The following VWA2 variants were observed in gnomAD, a reference collection of about 807,000 sequenced individuals.
VWA2 encodes the protein von Willebrand factor A domain-containing protein 2.
VWA2 carries 73 observed loss-of-function variants against 70.4 expected under a neutral mutation model. The ratio of observed to expected loss-of-function variants is 1.04; its 90% CI spans 0.86 to 1.26. The LOEUF is 1.26. VWA2 is among the 50% of genes most tolerant of loss of function. The pLI is 0.00. For missense variants in VWA2, 1,011 were observed against 998.5 expected (o/e 1.01, Z -0.17); for synonymous variants, 407 against 423.3 (o/e 0.96, Z 0.47).
At chr10:114,260,002 TCG>T (rs1402563902) in intron 4 of VWA2, among the ~76,000 whole-genome samples, 1 of 152,178 alleles carries the variant, frequency 6.6e-6, no homozygotes, top group African/African-American at 2.4e-5. Flanking sequence ...CCCACGCCTG[TCG>T]AGGGAACGGC....
intron 5 of VWA2, among the ~76,000 whole-genome samples, chr10:114,266,734 C>G (rs1318343987): frequency 2.0e-5 from 3 of 152,146 alleles, no homozygotes; most frequent in African/African-American, 4.8e-5. Flanking sequence ...CTCATAGTAA[C>G]ACAACCCTGT....
chr10:114,285,563 C>T (rs1416042651), intron 10 of VWA2, among the ~76,000 whole-genome samples: 1 of 152,184 alleles, frequency 6.6e-6, no homozygotes, highest in Non-Finnish European at 1.5e-5. Flanking sequence ...TCAATTCTAG[C>T]GTGGCTATAG....
intron 8 of VWA2, among the ~76,000 whole-genome samples, chr10:114,280,260 G>A (rs945468405): frequency 3.3e-5 from 5 of 152,144 alleles, no homozygotes; most frequent in Non-Finnish European, 5.9e-5. Flanking sequence ...CTGTGCTCCT[G>A]GCACTCACCC....
chr10:114,290,450 G>C, intron 13 of VWA2, 85 bp downstream of exon 13: 3 of 1,515,180 alleles, frequency 2.0e-6, no homozygotes, highest in Non-Finnish European at 2.7e-6. Context: ...CTGAAGGCAG[G>C]TTCTAAAACA....
intron 9 of VWA2, among the ~76,000 whole-genome samples, chr10:114,283,240 G>GGCAGTTAGACACACAGGCAGGGCAGCGA (rs1564735622): frequency 6.6e-6 from 1 of 152,016 alleles, no homozygotes; most frequent in African/African-American, 2.4e-5. Context: ...AAGCAATGCC[G>GGCAGTTAGACACACAGGCAGGGCAGCGA]GCAGTTAGAC....
At chr10:114,248,675 A>T (rs898610123) in intron 1 of VWA2, 29 bp from the exon 2 acceptor site, 6 of 1,594,582 alleles carry the variant, frequency 3.8e-6, no homozygotes, top group South Asian at 2.2e-5. Flanking sequence ...AATTGCTGAT[A>T]CTTTCTTTCT....
intron 4 of VWA2, among the ~76,000 whole-genome samples, chr10:114,256,778 C>T (rs2037337577): frequency 1.3e-5 from 2 of 151,782 alleles, no homozygotes; most frequent in African/African-American, 2.4e-5. Flanking sequence ...GGCATGGTGG[C>T]ACGTGCCTGT....
intron 1 of VWA2, among the ~76,000 whole-genome samples, chr10:114,247,493 T>C (rs2037096854): frequency 6.6e-6 from 1 of 152,126 alleles, no homozygotes; most frequent in African/African-American, 2.4e-5. Flanking sequence ...GAGACACTGT[T>C]TCACCGTGTT....
Position 114,254,913 on chromosome 10 carries a change from A to G in VWA2, c.128-2A>G, listed in dbSNP as rs749021022. The G allele has an allele frequency of 6.2e-7, 1 of 1,612,984 alleles. No individual in the cohort carries two copies. Among genetic ancestry groups the G allele is most frequent in the South Asian group, 1.1e-5 (1 of 91,026 alleles). On this transcript the variant is annotated splice_acceptor_variant, in intron 3 of 13. Transcript: ENST00000392982. LOFTEE classifies it high-confidence loss of function. ...GTCATCTGTCTGTCCCGCTCTCCCT[A>G]GTGATGTGGTGCTCGGCTGCAGTGG...
chr10:114,252,423 G>A (rs1290791069), intron 2 of VWA2, among the ~76,000 whole-genome samples: 1 of 152,222 alleles, frequency 6.6e-6, no homozygotes, highest in East Asian at 1.9e-4. Context: ...AGTTTAGTTT[G>A]CATGGGGGAC....
At chr10:114,256,779 A>G (rs1269986095) in intron 4 of VWA2, among the ~76,000 whole-genome samples, 1 of 151,894 alleles carries the variant, frequency 6.6e-6, no homozygotes, top group East Asian at 1.9e-4. Flanking sequence ...GCATGGTGGC[A>G]CGTGCCTGTA....
chr10:114,260,770 A>G (rs1024554532), intron 4 of VWA2, among the ~76,000 whole-genome samples: 1 of 152,212 alleles, frequency 6.6e-6, no homozygotes, highest in Non-Finnish European at 1.5e-5. Flanking sequence ...TTCTCCAACC[A>G]TAATGTGGGT....
chr10:114,265,424 A>G (rs11816667), intron 5 of VWA2, among the ~76,000 whole-genome samples: 1,993 of 152,274 alleles, frequency 0.013, 24 homozygotes, highest in Middle Eastern at 0.024. Context: ...TCAAATCTCA[A>G]AGAATTGGTA....
At position 114,294,075 on chromosome 10, in the gene VWA2, G is replaced by T. The variant is rs1315090012; in HGVS notation, c.*2838G>T. On this transcript the variant is annotated 3_prime_UTR_variant, in exon 14 of 14. Coordinates refer to ENST00000392982, the MANE Select transcript of VWA2 (RefSeq NM_001272046.2). ...TTTTGTATTATCTGTTAATGTGATA[G>T]GTTATCCATTTGTGTATTTTCAATC... is the stretch of plus-strand genomic sequence containing the variant. 6.6e-6 allele frequency among the ~76,000 whole-genome samples: 1 copy of T among 152,038 alleles called. No individual in the cohort carries two copies. Among genetic ancestry groups the T allele is most frequent in the Admixed American group, 6.6e-5 (1 of 15,254 alleles).
At chr10:114,241,304 T>G (rs775610426) in intron 1 of VWA2, among the ~76,000 whole-genome samples, 5 of 152,188 alleles carry the variant, frequency 3.3e-5, no homozygotes, top group Non-Finnish European at 1.5e-5. Flanking sequence ...TAAAATGACA[T>G]AAATCTGCCA....
intron 5 of VWA2, among the ~76,000 whole-genome samples, chr10:114,262,990 C>T (rs569198180): frequency 1.3e-5 from 2 of 152,286 alleles, no homozygotes; most frequent in Admixed American, 6.5e-5. Flanking sequence ...TTTGTGGAAT[C>T]ACTGTCTGCT....
At chr10:114,244,243 A>G (rs1419445930) in intron 1 of VWA2, among the ~76,000 whole-genome samples, 1 of 152,158 alleles carries the variant, frequency 6.6e-6, no homozygotes, top group Non-Finnish European at 1.5e-5. Flanking sequence ...TTTTTAAATT[A>G]TGCTTCTGTG....
chr10:114,269,114 C>T (rs2133352895), intron 5 of VWA2, among the ~76,000 whole-genome samples: 1 of 152,348 alleles, frequency 6.6e-6, no homozygotes, highest in South Asian at 2.1e-4. Flanking sequence ...TAACCCTTAA[C>T]AGGGTGCTGA....
chr10:114,281,752 C>T (rs542335459), intron 8 of VWA2: 51 of 985,322 alleles, frequency 5.2e-5, no homozygotes, highest in African/African-American at 4.9e-4. Context: ...TCCTTCAGTG[C>T]TCTTCTCTCC....
Sources: gnomAD v4.1 joint callset for allele counts (sites outside exome capture counted in the v4.1 genomes callset) on GRCh38, gnomAD v4.1.1 for gene constraint, MANE v1.5 for transcripts, NCBI Gene and HGNC (gene_info 2026-07-23, HGNC 2026-07-21) for gene names.